RABGAP1L: variants seen among roughly 807,000 people sequenced by gnomAD.
The protein encoded by RABGAP1L is rab GTPase-activating protein 1-like.
RABGAP1L carries 63 observed loss-of-function variants against 137.7 expected under a neutral mutation model. The ratio of observed to expected loss-of-function variants is 0.46; its 90% CI spans 0.37 to 0.56. The LOEUF (loss-of-function observed/expected upper bound fraction) is 0.56, where lower values mean the gene tolerates loss of function less well. RABGAP1L is among the 20% of genes least tolerant of loss of function. RABGAP1L has a pLI of 0.00. For synonymous variants in RABGAP1L, 431 were observed against 433.7 expected, an observed-to-expected ratio of 0.99 and a Z score of 0.08; for missense variants, 1,095 against 1,244.0, an observed-to-expected ratio of 0.88 and a Z score of 1.80.
intron 19 of RABGAP1L, among the ~76,000 whole-genome samples, chr1:174,899,362 G>A (rs1411902131): frequency 6.6e-6 from 1 of 152,196 alleles, no homozygotes; most frequent in Admixed American, 6.5e-5. Flanking sequence ...TGCTATTTAT[G>A]ATAAGGAATT....
At chr1:174,600,745 C>A (rs1670343787) in intron 13 of RABGAP1L, among the ~76,000 whole-genome samples, 1 of 152,200 alleles carries the variant, frequency 6.6e-6, no homozygotes, top group Non-Finnish European at 1.5e-5. Context: ...AGCCTCCCTT[C>A]TGGCTGCCTT....
At chr1:174,701,624 T>A (rs558561033) in intron 16 of RABGAP1L, among the ~76,000 whole-genome samples, 5 of 151,892 alleles carry the variant, frequency 3.3e-5, no homozygotes, top group African/African-American at 1.2e-4. Context: ...GTGCCTATAA[T>A]CTCAGCTACT....
intron 1 of RABGAP1L, among the ~76,000 whole-genome samples, chr1:174,218,736 A>G (rs1669531650): frequency 6.6e-6 from 1 of 152,064 alleles, no homozygotes; most frequent in African/African-American, 2.4e-5. Context: ...GTCAGTGAAT[A>G]TGGTTTTGTG....
At chr1:174,174,235 A>C (rs1242917083) in intron 1 of RABGAP1L, among the ~76,000 whole-genome samples, 1 of 143,084 alleles carries the variant, frequency 7.0e-6, no homozygotes, top group East Asian at 2.1e-4. Flanking sequence ...CACACACACA[A>C]CTGAATAAGT....
intron 13 of RABGAP1L, among the ~76,000 whole-genome samples, chr1:174,635,469 C>G (rs933870422): frequency 6.6e-5 from 10 of 152,122 alleles, no homozygotes; most frequent in East Asian, 3.8e-4. Flanking sequence ...AGACTCCAGA[C>G]AAGATAAAAG....
At chr1:174,587,506 C>A (rs1452380656) in intron 13 of RABGAP1L, among the ~76,000 whole-genome samples, 1 of 151,264 alleles carries the variant, frequency 6.6e-6, no homozygotes, top group Non-Finnish European at 1.5e-5. Flanking sequence ...GAAGAAAAAT[C>A]ACGTCTTCCA....
chr1:174,920,672 A>G lies in RABGAP1L; in HGVS notation c.2341-36785A>G, dbSNP rs191994295. Among the ~76,000 whole-genome samples, 12 of 152,308 alleles carry G rather than the reference A, an allele frequency of 7.9e-5. No individual in the cohort carries two copies. In the East Asian group the frequency reaches 1.3e-3, roughly 17 times the overall value. ...GGGTCTTTAAAGTGGTAATTAAGGT[A>G]AAAGGAGGTCATTGGGGAAGGTTCT... On this transcript the variant is annotated intron_variant, in intron 19 of 25. Coordinates refer to ENST00000681986, the MANE Select transcript of RABGAP1L (RefSeq NM_001366446.1).
intron 1 of RABGAP1L, among the ~76,000 whole-genome samples, chr1:174,211,686 G>T (rs906581787): frequency 6.6e-6 from 1 of 152,062 alleles, no homozygotes; most frequent in African/African-American, 2.4e-5. Flanking sequence ...CAGAGTAGTG[G>T]CTGAATGTAT....
chr1:174,699,405 A>G (rs1679486914), intron 15 of RABGAP1L, 120 bp from the exon 16 acceptor site: 1 of 753,358 alleles, frequency 1.3e-6, no homozygotes, highest in Non-Finnish European at 2.0e-6. Flanking sequence ...GCTCTGAAGG[A>G]CTTCATTTGC....
intron 18 of RABGAP1L, among the ~76,000 whole-genome samples, chr1:174,763,862 T>G (rs1259988751): frequency 2.3e-5 from 3 of 132,626 alleles, no homozygotes; most frequent in Admixed American, 1.5e-4. Context: ...AAAAAAAAAG[T>G]ACAATTAGTG....
At chr1:174,849,863 A>G in intron 19 of RABGAP1L, 1 of 562,520 alleles carries the variant, frequency 1.8e-6, no homozygotes, top group East Asian at 4.9e-5. Context: ...TATTTATCAT[A>G]TTAAAGTGAT....
rs1183875194 is a variant in RABGAP1L at position 174,370,463 on chromosome 1, C to CTTTTTT, written c.1466-497_1466-492dup. Among the ~76,000 whole-genome samples the CTTTTTT allele has an allele frequency of 3.2e-3, 122 of 37,868 alleles. 6 individuals carry two copies. Among genetic ancestry groups the CTTTTTT allele is most frequent in the African/African-American group, 0.013 (116 of 8,736 alleles). The allele number at this position is 37,868 out of a possible 152,430, so 24.8% of individuals were successfully genotyped here. On this transcript the variant is annotated intron_variant, in intron 11 of 25. Transcript: ENST00000681986. Reference sequence around the variant, plus strand: ...TCAATTTTCCTTTAGTTAAAAATACCTTTTTTTTTTTTTTTTTTTTTTTTA... The same window carrying CTTTTTT: ...TCAATTTTCCTTTAGTTAAAAATACCTTTTTTTTTTTTTTTTTTTTTTTTTTTTTTA...
rs182430259 is a variant in RABGAP1L, at chr1:174,570,496, A to G, written c.1711-66879A>G. Among the ~76,000 whole-genome samples, 240 of 152,246 alleles carry G rather than the reference A, an allele frequency of 1.6e-3. 1 individual carries two copies. The highest frequency in any genetic ancestry group is 5.6e-3 in the African/African-American group (231 of 41,548). ...ACACACGAACATAAATATGGCAACA[A>G]TAGACACTGGGGACTGCTGGAGAGG... is the stretch of plus-strand genomic sequence containing the variant. On this transcript the variant is annotated intron_variant, in intron 13 of 25. Transcript: ENST00000681986.
chr1:174,322,626 C>T (rs151320946), intron 11 of RABGAP1L, among the ~76,000 whole-genome samples: 1 of 152,224 alleles, frequency 6.6e-6, no homozygotes, highest in African/African-American at 2.4e-5. Context: ...ATTTCCTAGC[C>T]TTAGAGTCAT....
chr1:174,485,716 T>G (rs1659553521), intron 13 of RABGAP1L, among the ~76,000 whole-genome samples: 2 of 152,242 alleles, frequency 1.3e-5, no homozygotes, highest in Admixed American at 1.3e-4. Context: ...ATGATCTTTC[T>G]AATGTGTTGT....
At chr1:174,984,711 C>A (rs1671437693) in intron 24 of RABGAP1L, among the ~76,000 whole-genome samples, 1 of 152,134 alleles carries the variant, frequency 6.6e-6, no homozygotes, top group Admixed American at 6.5e-5. Flanking sequence ...CACTGTACTC[C>A]AGCCTGAGCA....
intron 5 of RABGAP1L, among the ~76,000 whole-genome samples, chr1:174,248,139 T>C: frequency 6.6e-6 from 1 of 152,216 alleles, no homozygotes; most frequent in Non-Finnish European, 1.5e-5. Flanking sequence ...CTATAAACAC[T>C]TGAATTATTG....
At chr1:174,219,361 T>A in intron 2 of RABGAP1L, 66 bp downstream of exon 2, 1 of 1,151,092 alleles carries the variant, frequency 8.7e-7, no homozygotes, top group African/African-American at 1.6e-5. Context: ...TTAGGAGATG[T>A]GTAAAATGCA....
At chr1:174,589,413 C>T (rs1212594280) in intron 13 of RABGAP1L, among the ~76,000 whole-genome samples, 5 of 152,034 alleles carry the variant, frequency 3.3e-5, no homozygotes, top group South Asian at 4.1e-4. Context: ...CTCTTCACTT[C>T]GTTGATCATT....
Sources: gnomAD v4.1 joint callset for allele counts (sites outside exome capture counted in the v4.1 genomes callset) on GRCh38, gnomAD v4.1.1 for gene constraint, MANE v1.5 for transcripts, NCBI Gene and HGNC (gene_info 2026-07-23, HGNC 2026-07-21) for gene names.